COL14A1: variants seen among roughly 807,000 people sequenced by gnomAD.
The protein encoded by COL14A1 is collagen type XIV alpha 1 chain.
In COL14A1, 136 loss-of-function variants were observed where a neutral mutation model predicts 230.3. The observed-to-expected ratio is 0.59, with a 90% CI of 0.51 to 0.68. The LOEUF (loss-of-function observed/expected upper bound fraction) is 0.68. Among genes scored for constraint, COL14A1 ranks in the 30% least tolerant of loss-of-function variants. The pLI, the probability that COL14A1 is intolerant of heterozygous loss-of-function variation, is 0.00. For missense variants in COL14A1, 1,976 were observed against 2,215.8 expected, an observed-to-expected ratio of 0.89 and a Z score of 2.17; for synonymous variants, 792 against 784.1, an observed-to-expected ratio of 1.01 and a Z score of -0.17.
At position 120,320,920 on chromosome 8, in the gene COL14A1, A is replaced by G. The variant is rs367827800; in HGVS notation, c.4659+4923A>G. Reference sequence around the variant, plus strand: ...CTCAGAATAACTACGAATGCTAGTCATTGTTATCCCCATTTTACAGGCAAA... The same window carrying G: ...CTCAGAATAACTACGAATGCTAGTCGTTGTTATCCCCATTTTACAGGCAAA... On this transcript the variant is annotated intron_variant, in intron 40 of 47. Coordinates refer to ENST00000297848, the MANE Select transcript of COL14A1 (RefSeq NM_021110.4). Among the ~76,000 whole-genome samples the G allele has an allele frequency of 1.1e-4, 17 of 152,342 alleles. No individual in the cohort carries two copies. The East Asian group carries it at 2.1e-3, about 19-fold the overall frequency.
chr8:120,309,998 C>T lies in COL14A1; in HGVS notation c.4402-11C>T, dbSNP rs112035830. The T allele has an allele frequency of 6.2e-7, 1 of 1,613,610 alleles. No homozygotes were observed. On this transcript the variant is annotated splice_polypyrimidine_tract_variant and intron_variant, in intron 36 of 47. Transcript: ENST00000297848. ...TTGTCTTTGAGCTAATACTTAACAT[C>T]TGTTTGCCAGGGTGGTCCAGGACTC...
intron 22 of COL14A1, among the ~76,000 whole-genome samples, chr8:120,251,286 T>C (rs1219862113): frequency 6.6e-6 from 1 of 152,212 alleles, no homozygotes; most frequent in Non-Finnish European, 1.5e-5. Flanking sequence ...AGATAGGATT[T>C]CCTTCTGGAA....
At chr8:120,204,102 A>T (rs907088423) in intron 9 of COL14A1, among the ~76,000 whole-genome samples, 5 of 152,222 alleles carry the variant, frequency 3.3e-5, no homozygotes, top group African/African-American at 9.7e-5. Flanking sequence ...ATTTACATTT[A>T]TTTAAAACTT....
intron 10 of COL14A1, 145 bp downstream of exon 10, chr8:120,207,239 C>A: frequency 2.7e-6 from 2 of 739,436 alleles, no homozygotes; most frequent in Non-Finnish European, 4.1e-6. Context: ...TCCACTTGTT[C>A]ATATTGTTCT....
intron 35 of COL14A1, among the ~76,000 whole-genome samples, chr8:120,300,396 T>C (rs1407694786): frequency 6.6e-6 from 1 of 152,070 alleles, no homozygotes; most frequent in Non-Finnish European, 1.5e-5. Context: ...TTTCAAGACC[T>C]TTAGTTCACA....
chr8:120,241,164 A>G (rs1818596175), intron 19 of COL14A1, among the ~76,000 whole-genome samples: 2 of 152,212 alleles, frequency 1.3e-5, no homozygotes, highest in South Asian at 4.1e-4. Context: ...CATTTTAGAA[A>G]CATTGATAGC....
chr8:120,234,331 C>T (rs1818372241), intron 19 of COL14A1, among the ~76,000 whole-genome samples: 1 of 152,106 alleles, frequency 6.6e-6, no homozygotes. Context: ...TTGCCCTGGC[C>T]AGAACCTCGA....
intron 40 of COL14A1, among the ~76,000 whole-genome samples, chr8:120,317,649 G>A (rs1821281399): frequency 6.6e-6 from 1 of 152,184 alleles, no homozygotes; most frequent in Non-Finnish European, 1.5e-5. Context: ...ATTTATCTGT[G>A]CATGAAGTCC....
At chr8:120,211,542 A>T (rs1476798454) in intron 12 of COL14A1, among the ~76,000 whole-genome samples, 1 of 152,200 alleles carries the variant, frequency 6.6e-6, no homozygotes, top group African/African-American at 2.4e-5. Flanking sequence ...GACAGAAAGA[A>T]TGAGAAAGAC....
intron 19 of COL14A1, among the ~76,000 whole-genome samples, chr8:120,237,996 A>T (rs1818499908): frequency 6.6e-6 from 1 of 152,156 alleles, no homozygotes. Flanking sequence ...GCTTCATCCC[A>T]GAGGGGCACC....
At chr8:120,130,499 G>A in intron 1 of COL14A1, among the ~76,000 whole-genome samples, 1 of 150,078 alleles carries the variant, frequency 6.7e-6, no homozygotes, top group East Asian at 2.0e-4. Context: ...CTTTACTGTT[G>A]CTTTCCCCTT....
At chr8:120,308,163 A>G (rs7006048) in intron 36 of COL14A1, among the ~76,000 whole-genome samples, 100,204 of 152,016 alleles carry the variant, frequency 0.66, 34,672 homozygotes, top group African/African-American at 0.89. Context: ...TGTATTTTTA[A>G]TAGAGATGGG....
intron 4 of COL14A1, among the ~76,000 whole-genome samples, chr8:120,163,527 G>A (rs575397848): frequency 4.0e-4 from 61 of 152,254 alleles, no homozygotes; most frequent in African/African-American, 1.4e-3. Context: ...ACTTTGGGAG[G>A]CCGAGGCGGG....
intron 5 of COL14A1, among the ~76,000 whole-genome samples, chr8:120,185,027 A>G (rs908086998): frequency 6.6e-6 from 1 of 152,204 alleles, no homozygotes; most frequent in Non-Finnish European, 1.5e-5. Context: ...TATTTCTAGG[A>G]AGACAGAAGT....
At chr8:120,278,414 T>A in intron 27 of COL14A1, 21 bp from the exon 28 acceptor site, 3 of 1,604,612 alleles carry the variant, frequency 1.9e-6, no homozygotes, top group Non-Finnish European at 2.6e-6. Context: ...GAAATCAAAC[T>A]GTTGCCTTTC....
At chr8:120,241,709 G>T (rs1818614277) in intron 19 of COL14A1, among the ~76,000 whole-genome samples, 1 of 152,086 alleles carries the variant, frequency 6.6e-6, no homozygotes, top group African/African-American at 2.4e-5. Flanking sequence ...TCTTGAAAAT[G>T]AATATCAATA....
chr8:120,357,474 C>A (rs1823027990), intron 45 of COL14A1, among the ~76,000 whole-genome samples: 1 of 152,056 alleles, frequency 6.6e-6, no homozygotes, highest in Non-Finnish European at 1.5e-5. Context: ...TCTCAGAAGC[C>A]CAAGCTTTTA....
At chr8:120,273,532 G>A (rs903040294) in intron 26 of COL14A1, among the ~76,000 whole-genome samples, 1 of 151,720 alleles carries the variant, frequency 6.6e-6, no homozygotes, top group South Asian at 2.1e-4. Flanking sequence ...AAACAAAATT[G>A]ATAGACCATT....
chr8:120,267,600 T>C (rs1478437224), intron 25 of COL14A1, among the ~76,000 whole-genome samples: 1 of 151,946 alleles, frequency 6.6e-6, no homozygotes, highest in Non-Finnish European at 1.5e-5. Context: ...GCATTTGATC[T>C]ACATTTTGAA....
Sources: gnomAD v4.1 joint callset for allele counts (sites outside exome capture counted in the v4.1 genomes callset) on GRCh38, gnomAD v4.1.1 for gene constraint, MANE v1.5 for transcripts, NCBI Gene and HGNC (gene_info 2026-07-23, HGNC 2026-07-21) for gene names.